Variants in LOC128462377 observed in about 807,000 individuals in gnomAD.
At chr16:89,398,672 G>A in the LOC128462377 span, among the ~76,000 whole-genome samples, 2 of 152,142 alleles carry the variant, frequency 1.3e-5, no homozygotes, top group South Asian at 4.1e-4. Context: ...AGCCCGGGAG[G>A]TTGAGGCTGC....
the LOC128462377 span, among the ~76,000 whole-genome samples, chr16:89,351,100 C>T: frequency 6.6e-6 from 1 of 152,156 alleles, no homozygotes; most frequent in Non-Finnish European, 1.5e-5. Context: ...TAAACTGTAC[C>T]TCAAAGAAGC....
the LOC128462377 span, among the ~76,000 whole-genome samples, chr16:89,334,871 G>A: frequency 6.6e-6 from 1 of 152,138 alleles, no homozygotes; most frequent in Non-Finnish European, 1.5e-5. Context: ...TGGATTCGAA[G>A]AGCCAGACAC....
chr16:89,416,841 T>C, the LOC128462377 span, among the ~76,000 whole-genome samples: 6 of 152,054 alleles, frequency 3.9e-5, no homozygotes, highest in South Asian at 1.2e-3. Context: ...GTCAGCAGTA[T>C]CCTTTTCACA....
the LOC128462377 span, among the ~76,000 whole-genome samples, chr16:89,407,469 A>G: frequency 6.6e-6 from 1 of 152,148 alleles, no homozygotes; most frequent in South Asian, 2.1e-4. Flanking sequence ...CAAGCCAAAA[A>G]GGAACCACGT....
the LOC128462377 span, among the ~76,000 whole-genome samples, chr16:89,339,347 T>A: frequency 6.6e-6 from 1 of 152,000 alleles, no homozygotes; most frequent in Non-Finnish European, 1.5e-5. Flanking sequence ...GCTTGAAGGC[T>A]TACACTAGCA....
At chr16:89,354,184 C>T in the LOC128462377 span, among the ~76,000 whole-genome samples, 1 of 150,188 alleles carries the variant, frequency 6.7e-6, no homozygotes, top group African/African-American at 2.5e-5. Context: ...CCATTCAAAT[C>T]TTCCAAGGCA....
At chr16:89,401,131 C>T in the LOC128462377 span, among the ~76,000 whole-genome samples, 1 of 119,940 alleles carries the variant, frequency 8.3e-6, no homozygotes, top group South Asian at 3.0e-4. Context: ...TCTTGTTCTG[C>T]TGCTCAGGCT....
the LOC128462377 span, among the ~76,000 whole-genome samples, chr16:89,417,181 G>A: frequency 6.6e-6 from 1 of 152,116 alleles, no homozygotes; most frequent in African/African-American, 2.4e-5. Context: ...TTTTAAAGTG[G>A]CCTGACTCCA....
chr16:89,346,209 C>A, the LOC128462377 span, among the ~76,000 whole-genome samples: 2 of 141,964 alleles, frequency 1.4e-5, no homozygotes, highest in African/African-American at 5.3e-5. Flanking sequence ...GATCACGCCA[C>A]GGCACTCCAG....
the LOC128462377 span, among the ~76,000 whole-genome samples, chr16:89,344,595 A>ACCC: frequency 6.6e-6 from 1 of 152,234 alleles, no homozygotes; most frequent in Non-Finnish European, 1.5e-5. Flanking sequence ...TAAGCCCACA[A>ACCC]TGCAAGCGTC....
chr16:89,345,323 C>A, the LOC128462377 span, among the ~76,000 whole-genome samples: 1 of 150,310 alleles, frequency 6.7e-6, no homozygotes, highest in East Asian at 2.0e-4. Context: ...CTCGACCCCA[C>A]AGAGCTCAGT....
At chr16:89,407,608 T>C in the LOC128462377 span, among the ~76,000 whole-genome samples, 3 of 152,130 alleles carry the variant, frequency 2.0e-5, no homozygotes, top group Admixed American at 6.5e-5. Context: ...ATTGCTTGAG[T>C]TCAGGAGTTC....
chr16:89,378,993 C>T, the LOC128462377 span, among the ~76,000 whole-genome samples: 24 of 152,198 alleles, frequency 1.6e-4, no homozygotes, highest in Non-Finnish European at 3.2e-4. Flanking sequence ...CACTGGGGAG[C>T]GTCAAGACGC....
At chr16:89,368,618 A>G in the LOC128462377 span, among the ~76,000 whole-genome samples, 1 of 151,854 alleles carries the variant, frequency 6.6e-6, no homozygotes, top group African/African-American at 2.4e-5. Flanking sequence ...TAAAAAAAAA[A>G]AAAAAAGGGC....
the LOC128462377 span, among the ~76,000 whole-genome samples, chr16:89,366,129 C>CAAAAAAAAAA: frequency 3.3e-5 from 2 of 60,440 alleles, no homozygotes; most frequent in African/African-American, 1.2e-4. Flanking sequence ...GACTCCATCT[C>CAAAAAAAAAA]AAAAAAAAAA....
At chr16:89,328,700 A>T in the LOC128462377 span, among the ~76,000 whole-genome samples, 3 of 147,044 alleles carry the variant, frequency 2.0e-5, no homozygotes, top group African/African-American at 7.7e-5. Flanking sequence ...GCACGGGCGA[A>T]ATCAGTGGAG....
chr16:89,388,523 C>A, the LOC128462377 span, among the ~76,000 whole-genome samples: 7 of 151,880 alleles, frequency 4.6e-5, no homozygotes, highest in South Asian at 2.1e-4. Flanking sequence ...AACGCACACA[C>A]GTCACAAAAA....
At chr16:89,388,293 A>ATTTTTTTT in the LOC128462377 span, among the ~76,000 whole-genome samples, 5,906 of 85,004 alleles carry the variant, frequency 0.069, 1,000 homozygotes, top group South Asian at 0.1. Context: ...CATGAGGCTG[A>ATTTTTTTT]TTTTTTTTTT....
chr16:89,363,836 G>C, the LOC128462377 span, among the ~76,000 whole-genome samples: 12 of 152,090 alleles, frequency 7.9e-5, no homozygotes, highest in Non-Finnish European at 1.5e-4. Context: ...AAGGAGGACT[G>C]ACTGAGGCAA....
Sources: gnomAD v4.1 joint callset for allele counts (sites outside exome capture counted in the v4.1 genomes callset) on GRCh38, gnomAD v4.1.1 for gene constraint, MANE v1.5 for transcripts.